Variants in PPP4R2 observed in about 807,000 individuals in gnomAD.
The protein encoded by PPP4R2 is serine/threonine-protein phosphatase 4 regulatory subunit 2.
Under a neutral mutation model 47.2 loss-of-function variants are expected in PPP4R2, and 13 were observed. That is an observed-to-expected ratio of 0.28 (90% confidence interval 0.18 to 0.44). PPP4R2 has a LOEUF of 0.44. PPP4R2 is among the 20% of genes least tolerant of loss of function. The probability of loss-of-function intolerance (pLI) is 1.00; values close to 1 mark genes in which losing one functional copy is unlikely to be tolerated. For missense variants in PPP4R2, 421 were observed against 491.2 expected (o/e 0.86, Z 1.35); for synonymous variants, 151 against 163.3 (o/e 0.92, Z 0.57).
At chr3:73,062,331 A>T in intron 5 of PPP4R2, 1 of 1,572,008 alleles carries the variant, frequency 6.4e-7, no homozygotes, top group South Asian at 1.1e-5. Flanking sequence ...TGGGAAAAAC[A>T]GACAGTATCC....
chr3:73,019,769 A>G (rs1225316902), intron 2 of PPP4R2, among the ~76,000 whole-genome samples: 1 of 151,004 alleles, frequency 6.6e-6, no homozygotes, highest in East Asian at 1.9e-4. Flanking sequence ...TTCTGAGTGA[A>G]GTATACTTGC....
intron 2 of PPP4R2, among the ~76,000 whole-genome samples, chr3:73,034,477 A>ACT (rs1392102941): frequency 6.6e-6 from 1 of 152,202 alleles, no homozygotes; most frequent in African/African-American, 2.4e-5. Context: ...CCATTTGATA[A>ACT]CTATGAGTAG....
chr3:73,003,197 A>G (rs7640897), intron 2 of PPP4R2, among the ~76,000 whole-genome samples: 19,546 of 147,984 alleles, frequency 0.13, 1,547 homozygotes, highest in East Asian at 0.36. Context: ...GCATATTGCT[A>G]TTACGTAACT....
Position 73,056,599 on chromosome 3 carries a change from GCTT to G in PPP4R2, c.288-2434_288-2432del, listed in dbSNP as rs147143183. On this transcript the variant is annotated intron_variant, in intron 3 of 8. Coordinates refer to ENST00000356692, the MANE Select transcript of PPP4R2 (RefSeq NM_174907.4). ...GATACTTGGTAAAATGACTTTTAAA[GCTT>G]CTTTTACTTTTTGAAATAAGGATCT... 6.5e-3 allele frequency among the ~76,000 whole-genome samples: 982 copies of G among 152,210 alleles called. 8 individuals carry two copies. The highest frequency in any genetic ancestry group is 0.022 in the African/African-American group (928 of 41,520).
chr3:73,053,341 C>T (rs777213669), intron 3 of PPP4R2, among the ~76,000 whole-genome samples: 11 of 152,046 alleles, frequency 7.2e-5, no homozygotes, highest in Non-Finnish European at 1.6e-4. Context: ...ACCATCCCTC[C>T]TTACTATTCC....
At chr3:73,023,251 T>TCAACCTCTGCTCACTG (rs900265755) in intron 2 of PPP4R2, among the ~76,000 whole-genome samples, 1 of 151,380 alleles carries the variant, frequency 6.6e-6, no homozygotes, top group African/African-American at 2.4e-5. Context: ...TGGCGCGATC[T>TCAACCTCTGCTCACTG]CAACCTCTGC....
chr3:73,044,821 T>G (rs1448671450), intron 2 of PPP4R2, among the ~76,000 whole-genome samples: 1 of 152,236 alleles, frequency 6.6e-6, no homozygotes, highest in Non-Finnish European at 1.5e-5. Context: ...TGTTAAGTTG[T>G]AGGTGTTCTT....
intron 2 of PPP4R2, among the ~76,000 whole-genome samples, chr3:73,029,190 C>T (rs1559555881): frequency 6.6e-6 from 1 of 152,210 alleles, no homozygotes; most frequent in African/African-American, 2.4e-5. Context: ...ATCCTCCCAC[C>T]TTGTCCTCCC....
intron 2 of PPP4R2, among the ~76,000 whole-genome samples, chr3:73,017,872 C>T (rs562268236): frequency 1.3e-4 from 20 of 151,938 alleles, no homozygotes; most frequent in East Asian, 1.9e-4. Flanking sequence ...GGATTACAGG[C>T]GACCACCACC....
chr3:73,024,231 T>A (rs1326026364), intron 2 of PPP4R2, among the ~76,000 whole-genome samples: 1 of 152,092 alleles, frequency 6.6e-6, no homozygotes, highest in Non-Finnish European at 1.5e-5. Context: ...GATACTTATA[T>A]TGGAAAAAGG....
chr3:73,011,838 A>C lies in PPP4R2; in HGVS notation c.116+13680A>C, dbSNP rs529494986. Among the ~76,000 whole-genome samples, 7 of 152,332 alleles carry C rather than the reference A, an allele frequency of 4.6e-5. 1 individual carries two copies. The South Asian group carries it at 1.4e-3, about 32-fold the overall frequency. On this transcript the variant is annotated intron_variant, in intron 2 of 8. Transcript: ENST00000356692. ...TATGCATCTTGGATTTGTTATTCTC[A>C]GTTAAGTAAAAATCTTACCACACCA...
At chr3:73,041,869 T>A (rs1426372029) in intron 2 of PPP4R2, among the ~76,000 whole-genome samples, 1 of 152,232 alleles carries the variant, frequency 6.6e-6, no homozygotes, top group African/African-American at 2.4e-5. Context: ...ACCTTTAGCC[T>A]TTAGAGAATT....
At chr3:73,062,842 T>TCTC in intron 5 of PPP4R2, 1 of 1,613,870 alleles carries the variant, frequency 6.2e-7, no homozygotes, top group Non-Finnish European at 8.5e-7. Context: ...GAATTAATGT[T>TCTC]CACACTTCTA....
chr3:73,058,428 G>A (rs746998275), intron 3 of PPP4R2, among the ~76,000 whole-genome samples: 24 of 151,708 alleles, frequency 1.6e-4, no homozygotes, highest in Non-Finnish European at 2.5e-4. Flanking sequence ...CAAATTATCA[G>A]GATTTAGAAT....
intron 2 of PPP4R2, among the ~76,000 whole-genome samples, chr3:73,002,710 C>T (rs1344709487): frequency 6.4e-5 from 9 of 139,668 alleles, no homozygotes; most frequent in Non-Finnish European, 1.1e-4. Context: ...GGCGCGATCT[C>T]GGCTCGCTAC....
chr3:73,020,479 A>AT (rs1701935965), intron 2 of PPP4R2, among the ~76,000 whole-genome samples: 1 of 152,082 alleles, frequency 6.6e-6, no homozygotes, highest in Non-Finnish European at 1.5e-5. Flanking sequence ...CCTGGGTAAC[A>AT]TAACATGCTG....
chr3:73,058,173 T>C (rs1702767684), intron 3 of PPP4R2, among the ~76,000 whole-genome samples: 1 of 152,096 alleles, frequency 6.6e-6, no homozygotes, highest in Non-Finnish European at 1.5e-5. Flanking sequence ...CAAGGAAAAA[T>C]TGAGGTATAG....
At chr3:73,002,609 C>CTTTTA (rs1701493327) in intron 2 of PPP4R2, among the ~76,000 whole-genome samples, 1 of 76,968 alleles carries the variant, frequency 1.3e-5, no homozygotes, top group Admixed American at 1.4e-4. Flanking sequence ...AGGGATTTTT[C>CTTTTA]TTTTCTTTTC....
chr3:73,040,418 A>T (rs1441165110), intron 2 of PPP4R2, among the ~76,000 whole-genome samples: 1 of 152,086 alleles, frequency 6.6e-6, no homozygotes, highest in African/African-American at 2.4e-5. Context: ...TGATAAATAG[A>T]TGCCTACAGG....
Sources: allele counts gnomAD v4.1 joint callset (sites outside exome capture counted in the v4.1 genomes callset), GRCh38; gene constraint gnomAD v4.1.1; transcripts MANE v1.5; gene names NCBI Gene and HGNC (gene_info 2026-07-23, HGNC 2026-07-21).